PI4KA: variants seen among roughly 807,000 people sequenced by gnomAD.
PI4KA encodes the protein PI4-kinase alpha.
A neutral mutation model predicts 271.4 loss-of-function variants in PI4KA; 122 were observed. The observed-to-expected ratio is 0.45, with a 90% CI of 0.39 to 0.52. The LOEUF (loss-of-function observed/expected upper bound fraction) is 0.52. Among genes scored for constraint, PI4KA ranks in the 20% least tolerant of loss-of-function variants. The pLI is 0.00. For synonymous variants in PI4KA, 1,041 were observed against 1,078.8 expected, an observed-to-expected ratio of 0.96 and a Z score of 0.69; for missense variants, 1,969 against 2,769.1, an observed-to-expected ratio of 0.71 and a Z score of 6.48.
intron 26 of PI4KA, 39 bp downstream of exon 26, chr22:20,751,635 G>T (rs80213686): frequency 1.3e-6 from 2 of 1,515,874 alleles, no homozygotes; most frequent in African/African-American, 1.4e-5. Flanking sequence ...GTGGTAGAGC[G>T]GGTGGTGTTT....
chr22:20,718,556 C>T (rs1179054852), intron 44 of PI4KA, 137 bp downstream of exon 44: 16 of 1,007,242 alleles, frequency 1.6e-5, no homozygotes, highest in East Asian at 1.0e-4. Context: ...GAACCACCAG[C>T]GGCCCCGCTG....
At chr22:20,732,646 G>A (rs1928214859) in intron 36 of PI4KA, among the ~76,000 whole-genome samples, 1 of 152,240 alleles carries the variant, frequency 6.6e-6, no homozygotes, top group Admixed American at 6.5e-5. Context: ...CCAGTCATGT[G>A]GGTGTGCACC....
rs775120846 is a variant in PI4KA at position 20,742,372 on chromosome 22, G to C, written c.3614-17C>G. 4 of 1,611,750 alleles carry C rather than the reference G, an allele frequency of 2.5e-6. No homozygotes were observed. The highest frequency in any genetic ancestry group is 2.5e-6 in the Non-Finnish European group (3 of 1,178,706). On this transcript the variant is annotated splice_polypyrimidine_tract_variant and intron_variant, in intron 31 of 54. Transcript: ENST00000255882. ...GGTCACAATCTGGAACCAAACACAC[G>C]TCAGTCAGAGGCCTCCAACAACAGC...
rs1162486048 is a variant in PI4KA, at chr22:20,729,677, C to A, written c.4443G>T (p.Leu1481=). 6.3e-7 allele frequency: 1 copy of A among 1,588,724 alleles called. No homozygotes were observed. Among genetic ancestry groups the A allele is most frequent in the Non-Finnish European group, 8.6e-7 (1 of 1,165,660 alleles). The change falls in exon 38 of 55, where the codon CTG becomes CTT. Residue 1481 remains leucine, a synonymous_variant. Coordinates refer to ENST00000255882, the MANE Select transcript of PI4KA (RefSeq NM_058004.4). The part of the protein sequence containing the change: ...MSKKTNRGSQ[L]HKYYMKRRTL... ...TCCTGCGCTTCATGTAGTATTTGTGCAGCTGGGAGCCCCGGTTGGTTTTCT... is the reference window on the plus strand; with the variant it reads ...TCCTGCGCTTCATGTAGTATTTGTGAAGCTGGGAGCCCCGGTTGGTTTTCT...
At chr22:20,741,169 G>A (rs879715665) in intron 32 of PI4KA, among the ~76,000 whole-genome samples, 1 of 152,192 alleles carries the variant, frequency 6.6e-6, no homozygotes, top group Non-Finnish European at 1.5e-5. Flanking sequence ...GTGTCATAAT[G>A]GCAGTGGGTA....
chr22:20,710,707 C>T lies in PI4KA; in HGVS notation c.6075G>A (p.Leu2025=), dbSNP rs1475913112. The stretch of plus-strand genomic sequence containing the variant: ...CCCTCACCCAGGCTCACCGCACAGC[C>T]AGGTAGCCTCGGACACACATCTCCA... ...WFMEMCVRGY[L]AVRPYMDAVV... Residue 2025 remains leucine (L), a synonymous_variant, in exon 52 of 55, where the codon CTG becomes CTA. Transcript: ENST00000255882. The T allele has an allele frequency of 6.2e-7, 1 of 1,614,068 alleles. No individual in the cohort carries two copies. The highest frequency in any genetic ancestry group is 2.2e-5 in the East Asian group (1 of 44,890).
chr22:20,774,181 A>G (rs1933057724), intron 19 of PI4KA: 1 of 152,200 alleles, frequency 6.6e-6, no homozygotes, highest in African/African-American at 2.4e-5. Flanking sequence ...CTGATTATAA[A>G]TTATTTTTGG....
At chr22:20,800,165 A>T (rs1309001741) in intron 14 of PI4KA, among the ~76,000 whole-genome samples, 1 of 152,196 alleles carries the variant, frequency 6.6e-6, no homozygotes, top group Non-Finnish European at 1.5e-5. Context: ...CGTTACAGAG[A>T]AAAGGGGAAA....
Position 20,711,466 on chromosome 22 carries a change from G to A in PI4KA, c.5803-5C>T. ...TCGGATGAAGTTGTAGCGGGCCTGTGCAGAGAGCGCCCTGGGCTCAAAAAG... is the reference window on the plus strand; with the variant it reads ...TCGGATGAAGTTGTAGCGGGCCTGTACAGAGAGCGCCCTGGGCTCAAAAAG... On this transcript the variant is annotated splice_polypyrimidine_tract_variant and splice_region_variant and intron_variant, in intron 50 of 54. Transcript: ENST00000255882. 1.5e-6 allele frequency: 2 copies of A among 1,378,602 alleles called. No homozygotes were observed. The highest frequency in any genetic ancestry group is 2.4e-5 in the East Asian group (1 of 41,402). The allele number at this position is 1,378,602 out of a possible 1,614,324, so 85.4% of individuals were successfully genotyped here. A position where few individuals can be genotyped will look rare whatever the true frequency, so the allele number is the denominator to read the frequency against.
At chr22:20,775,190 C>T (rs1026013623) in intron 19 of PI4KA, among the ~76,000 whole-genome samples, 12 of 151,130 alleles carry the variant, frequency 7.9e-5, no homozygotes, top group Admixed American at 1.3e-4. Flanking sequence ...TATGAAGTTC[C>T]CAGGAAAAAA....
In PI4KA at chr22:20,858,607, C is replaced by A; in HGVS notation, c.119G>T (p.Arg40Leu). 1 of 1,476,184 alleles carries A rather than the reference C, an allele frequency of 6.8e-7. No homozygotes were observed. The allele number at this position is 1,476,184 out of a possible 1,614,324, so 91.4% of individuals were successfully genotyped here. ...TGCTGGTCTCTGCACCGCCAGGGAG[C>A]GGGCCAGTGACAGGACCGTGTTGAA... ...FYFNTVLSLARSLAVQRPASL... is the reference protein window; with the variant it reads ...FYFNTVLSLALSLAVQRPASL... Residue 40 changes from arginine (R) to leucine (L), a missense_variant, in exon 1 of 55, where the codon CGC becomes CTC. Physicochemically the swap from Arg to Leu is moderately radical, Grantham distance 102. Transcript: ENST00000255882.
intron 28 of PI4KA, among the ~76,000 whole-genome samples, chr22:20,749,005 G>A (rs887292478): frequency 5.3e-5 from 8 of 152,210 alleles, no homozygotes; most frequent in Non-Finnish European, 1.0e-4. Context: ...CCAGACCTGC[G>A]TGAGAAAGTA....
At chr22:20,804,276 C>T (rs1274994138) in intron 12 of PI4KA, 24 bp downstream of exon 12, 16 of 1,535,668 alleles carry the variant, frequency 1.0e-5, no homozygotes, top group Non-Finnish European at 1.4e-5. Context: ...GGATCTGAGC[C>T]TCTCTGGGTT....
chr22:20,829,581 T>TC (rs1923888987), intron 3 of PI4KA, among the ~76,000 whole-genome samples: 1 of 126,412 alleles, frequency 7.9e-6, no homozygotes, highest in Non-Finnish European at 1.7e-5. Context: ...TAGCTAGTGA[T>TC]CTTTTTTTTT....
intron 19 of PI4KA, chr22:20,779,605 G>C: frequency 1.2e-6 from 2 of 1,614,194 alleles, no homozygotes; most frequent in Non-Finnish European, 1.7e-6. Context: ...ATCGTCGACA[G>C]TCTGTCAGTT....
intron 27 of PI4KA, among the ~76,000 whole-genome samples, chr22:20,750,984 G>A (rs1010294987): frequency 1.6e-4 from 24 of 152,210 alleles, no homozygotes; most frequent in African/African-American, 3.9e-4. Flanking sequence ...ACGCAGACTC[G>A]AGAGGCTATA....
rs546494563 is a variant in PI4KA at position 20,768,684 on chromosome 22, G to C, written c.2329-2991C>G. 3.3e-5 allele frequency among the ~76,000 whole-genome samples: 5 copies of C among 152,298 alleles called. No individual in the cohort carries two copies. The South Asian group carries it at 1.0e-3, about 32-fold the overall frequency. On this transcript the variant is annotated intron_variant, in intron 19 of 54. Coordinates refer to ENST00000255882, the MANE Select transcript of PI4KA (RefSeq NM_058004.4). ...GTGTGGAAGAAGGCTCCACACCTCTGCTTGAGAGCCGCCAGGGCACTGTGT... is the reference window on the plus strand; with the variant it reads ...GTGTGGAAGAAGGCTCCACACCTCTCCTTGAGAGCCGCCAGGGCACTGTGT...
chr22:20,852,130 T>A (rs1927060052), intron 1 of PI4KA, among the ~76,000 whole-genome samples: 1 of 151,788 alleles, frequency 6.6e-6, no homozygotes, highest in Non-Finnish European at 1.5e-5. Flanking sequence ...TCTCAAAAAG[T>A]AAATAAATAA....
intron 25 of PI4KA, among the ~76,000 whole-genome samples, chr22:20,752,683 G>A (rs1930835061): frequency 6.6e-6 from 1 of 152,206 alleles, no homozygotes; most frequent in Admixed American, 6.5e-5. Flanking sequence ...TGTGCTGTAA[G>A]TAACATCGAT....
Sources: gnomAD v4.1 joint callset for allele counts (sites outside exome capture counted in the v4.1 genomes callset) on GRCh38, gnomAD v4.1.1 for gene constraint, MANE v1.5 for transcripts, NCBI Gene and HGNC (gene_info 2026-07-23, HGNC 2026-07-21) for gene names.